The following SGMS2 variants were observed in gnomAD, a reference collection of about 807,000 sequenced individuals.
The protein encoded by SGMS2 is sphingomyelin synthase 2.
In SGMS2, 21 loss-of-function variants were observed where a neutral mutation model predicts 43.8. That is an observed-to-expected ratio of 0.48 (90% CI 0.34 to 0.69). The LOEUF (loss-of-function observed/expected upper bound fraction) is 0.69. Ranked by LOEUF, SGMS2 falls within the 30% of genes least tolerant of loss-of-function variation. SGMS2 has a pLI of 0.01. For synonymous variants in SGMS2, 167 were observed against 160.6 expected (o/e 1.04, Z -0.30); for missense variants, 384 against 443.2 (o/e 0.87, Z 1.20).
chr4:107,832,447 A>T (rs891768805), intron 1 of SGMS2, among the ~76,000 whole-genome samples: 3 of 152,194 alleles, frequency 2.0e-5, no homozygotes, highest in African/African-American at 7.2e-5. Context: ...AATTCACTTT[A>T]AGGATCCTAC....
At chr4:107,826,353 A>T (rs1725589206) in intron 1 of SGMS2, among the ~76,000 whole-genome samples, 1 of 152,216 alleles carries the variant, frequency 6.6e-6, no homozygotes, top group African/African-American at 2.4e-5. Context: ...ATCCTTTGGC[A>T]AGTTCCTTAG....
chr4:107,841,194 C>CT (rs1012610798), intron 1 of SGMS2, among the ~76,000 whole-genome samples: 3 of 152,136 alleles, frequency 2.0e-5, no homozygotes, highest in Admixed American at 6.5e-5. Context: ...GTTGTTAACC[C>CT]AAACCAAAAC....
intron 1 of SGMS2, among the ~76,000 whole-genome samples, chr4:107,828,790 C>T (rs1000435932): frequency 6.6e-6 from 1 of 152,160 alleles, no homozygotes; most frequent in Non-Finnish European, 1.5e-5. Flanking sequence ...GTCTTAATTT[C>T]TGCGTTCCTT....
chr4:107,910,472 G>A lies in SGMS2; in HGVS notation c.1017G>A (p.Trp339Ter), dbSNP rs757939915. 1.9e-6 allele frequency: 3 copies of A among 1,613,982 alleles called. No homozygotes were observed. The highest frequency in any genetic ancestry group is 2.2e-5 in the East Asian group (1 of 44,868). ...GCTGCTTCTCCTGGCCGCTGTCTTG[G>A]CCTCCTGGCTGCTTCAAATCATCAT... ...IPCCFSWPLS[W>*]PPGCFKSSCK... is the part of the protein sequence containing the mutation. Residue 339 changes from tryptophan to a stop codon, truncating the protein, a stop_gained, in exon 7 of 7, where the codon TGG becomes TGA. Coordinates refer to ENST00000690982, the MANE Select transcript of SGMS2 (RefSeq NM_001375905.1). LOFTEE classifies it high-confidence loss of function.
At chr4:107,890,912 A>G (rs1730152585) in intron 2 of SGMS2, among the ~76,000 whole-genome samples, 1 of 152,068 alleles carries the variant, frequency 6.6e-6, no homozygotes, top group Admixed American at 6.6e-5. Context: ...CAAACCAGAA[A>G]GGGCTTGATT....
intron 2 of SGMS2, among the ~76,000 whole-genome samples, chr4:107,865,658 G>A (rs747698344): frequency 6.6e-6 from 1 of 152,058 alleles, no homozygotes; most frequent in Non-Finnish European, 1.5e-5. Flanking sequence ...ACTATCTCTT[G>A]TTCTAGGGAA....
intron 2 of SGMS2, among the ~76,000 whole-genome samples, chr4:107,885,751 G>C (rs1194983947): frequency 6.6e-6 from 1 of 152,086 alleles, no homozygotes; most frequent in Admixed American, 6.6e-5. Context: ...TCAACTGGAA[G>C]GTTAGATTTT....
chr4:107,859,643 A>G (rs990518785), intron 2 of SGMS2, among the ~76,000 whole-genome samples: 3 of 152,276 alleles, frequency 2.0e-5, no homozygotes, highest in Non-Finnish European at 4.4e-5. Context: ...CATTCTTGTC[A>G]GTGTTGCGAA....
In SGMS2 at chr4:107,902,289, C is replaced by CAAAA. The variant is rs34388036; in HGVS notation, c.574-935_574-932dup. On this transcript the variant is annotated intron_variant, in intron 4 of 6. Coordinates refer to ENST00000690982, the MANE Select transcript of SGMS2 (RefSeq NM_001375905.1). ...TGGGTGAAAGAGCAAGACCCTGTCTCAAAAAAAAAAAAGGTCTTTCTGTAT... is the reference window on the plus strand; with the variant it reads ...TGGGTGAAAGAGCAAGACCCTGTCTCAAAAAAAAAAAAAAAAGGTCTTTCTGTAT... Among the ~76,000 whole-genome samples, 56 of 124,576 alleles carry CAAAA rather than the reference C, an allele frequency of 4.5e-4. 3 individuals carry two copies. Among genetic ancestry groups the CAAAA allele is most frequent in the African/African-American group, 2.0e-3 (56 of 28,598 alleles). The allele number at this position is 124,576 out of a possible 152,430, so 81.7% of individuals were successfully genotyped here.
At chr4:107,876,197 ATATC>A (rs1728901832) in intron 2 of SGMS2, among the ~76,000 whole-genome samples, 1 of 152,136 alleles carries the variant, frequency 6.6e-6, no homozygotes, top group African/African-American at 2.4e-5. Flanking sequence ...TTTTAAATAA[ATATC>A]AATGTCTAAT....
At chr4:107,868,691 C>G (rs913589094) in intron 2 of SGMS2, among the ~76,000 whole-genome samples, 4 of 151,890 alleles carry the variant, frequency 2.6e-5, no homozygotes, top group African/African-American at 7.3e-5. Flanking sequence ...GCACTCCAGC[C>G]TGGGCGACAA....
intron 2 of SGMS2, among the ~76,000 whole-genome samples, chr4:107,874,391 C>T (rs1168935074): frequency 6.6e-6 from 1 of 152,122 alleles, no homozygotes; most frequent in Non-Finnish European, 1.5e-5. Flanking sequence ...GCTGTTCTGC[C>T]TTTTTTAAGA....
intron 1 of SGMS2, among the ~76,000 whole-genome samples, chr4:107,829,630 G>A (rs1241629576): frequency 1.3e-5 from 2 of 152,154 alleles, no homozygotes; most frequent in East Asian, 3.9e-4. Context: ...TATTTAAATT[G>A]ATATCTCGCT....
At chr4:107,833,536 T>A (rs1406734230) in intron 1 of SGMS2, among the ~76,000 whole-genome samples, 2 of 152,202 alleles carry the variant, frequency 1.3e-5, no homozygotes, top group African/African-American at 4.8e-5. Flanking sequence ...GGGTCGTAGT[T>A]AAAACAGTCA....
chr4:107,836,797 C>T lies in SGMS2; in HGVS notation c.-327+11544C>T, dbSNP rs796313985. 3.6e-4 allele frequency among the ~76,000 whole-genome samples: 54 copies of T among 152,088 alleles called. 1 individual carries two copies. The highest frequency in any genetic ancestry group is 1.2e-3 in the African/African-American group (50 of 41,478). ...TACTTGATATCAAATATTTGGCGGC[C>T]GGAACACATATGATTAGAATGTAAG... On this transcript the variant is annotated intron_variant, in intron 1 of 6. Transcript: ENST00000690982.
chr4:107,846,922 T>C (rs1453770100), intron 1 of SGMS2, among the ~76,000 whole-genome samples: 2 of 152,052 alleles, frequency 1.3e-5, no homozygotes, highest in Non-Finnish European at 2.9e-5. Context: ...TTTTGAGAAG[T>C]GTCTGTTCAT....
chr4:107,858,145 T>G (rs940851274), intron 1 of SGMS2, among the ~76,000 whole-genome samples: 1 of 152,196 alleles, frequency 6.6e-6, no homozygotes, highest in African/African-American at 2.4e-5. Flanking sequence ...TTGACTGGTC[T>G]TCTTGTTTAT....
Position 107,837,114 on chromosome 4 carries a change from T to C in SGMS2, c.-327+11861T>C, listed in dbSNP as rs184103763. Among the ~76,000 whole-genome samples, 409 of 152,318 alleles carry C rather than the reference T, an allele frequency of 2.7e-3. 3 individuals are homozygous for C. The highest frequency in any genetic ancestry group is 0.017 in the Middle Eastern group (5 of 294). ...AAATTGATTAATGTATTTAACACTT[T>C]TTTTTGCACTTGCTAGGTGCTAGAC... On this transcript the variant is annotated intron_variant, in intron 1 of 6. Transcript: ENST00000690982.
chr4:107,908,838 CA>C, intron 6 of SGMS2, 107 bp downstream of exon 6: 1 of 960,204 alleles, frequency 1.0e-6, no homozygotes, highest in Non-Finnish European at 1.6e-6. Context: ...GATGTTGCCA[CA>C]TTCACTTAAA....
Sources: allele counts gnomAD v4.1 joint callset (sites outside exome capture counted in the v4.1 genomes callset), GRCh38; gene constraint gnomAD v4.1.1; transcripts MANE v1.5; gene names NCBI Gene and HGNC (gene_info 2026-07-23, HGNC 2026-07-21).